Variants in DDI2 observed in about 807,000 individuals in gnomAD.
DDI2 encodes DDI proteasomal shuttling factor 2.
Under a neutral mutation model 48.1 loss-of-function variants are expected in DDI2, and 5 were observed. The observed-to-expected ratio is 0.10, with a 90% CI of 0.05 to 0.22. DDI2 has a LOEUF of 0.22. Among genes scored for constraint, DDI2 ranks in the 10% least tolerant of loss-of-function variants. The probability of loss-of-function intolerance (pLI) is 1.00; values close to 1 mark genes in which losing one functional copy is unlikely to be tolerated. For synonymous variants in DDI2, 205 were observed against 183.6 expected (o/e 1.12, Z -0.94); for missense variants, 285 against 506.2 (o/e 0.56, Z 4.19).
At chr1:15,630,177 A>T in intron 2 of DDI2, 148 bp from the exon 3 acceptor site, 1 of 738,712 alleles carries the variant, frequency 1.4e-6, no homozygotes, top group Non-Finnish European at 2.3e-6. Flanking sequence ...CTTTATATTC[A>T]GAGTCATCAT....
rs531753743 is a variant in DDI2 at position 15,662,813 on chromosome 1, G to A, written c.*3023G>A. 1 of 152,306 alleles carries A rather than the reference G, an allele frequency of 6.6e-6. No individual in the cohort carries two copies. The highest frequency in any genetic ancestry group is 2.4e-5 in the African/African-American group (1 of 41,558). The allele number at this position is 152,306 out of a possible 1,614,324, so 9.4% of individuals were successfully genotyped here. On this transcript the variant is annotated 3_prime_UTR_variant, in exon 10 of 10. Coordinates refer to ENST00000480945, the MANE Select transcript of DDI2 (RefSeq NM_032341.5). ...TTGGAGAGTGTCCTTTGTGGCAGTG[G>A]AAATAGTAATTACAGTTTCTGACTT... is the stretch of plus-strand genomic sequence containing the variant.
At chr1:15,656,345 G>T in intron 8 of DDI2, 2 of 1,223,802 alleles carry the variant, frequency 1.6e-6, no homozygotes, top group Non-Finnish European at 2.1e-6. Flanking sequence ...TCTCACATTT[G>T]CCCGTGAATT....
At chr1:15,631,892 G>A (rs1249267674) in intron 3 of DDI2, among the ~76,000 whole-genome samples, 2 of 151,416 alleles carry the variant, frequency 1.3e-5, no homozygotes, top group African/African-American at 4.9e-5. Flanking sequence ...TGCAACCTTC[G>A]CCTCCTGGGT....
Position 15,661,295 on chromosome 1 carries a change from C to T in DDI2, c.*1505C>T. 2 of 1,614,050 alleles carry T rather than the reference C, an allele frequency of 1.2e-6. No homozygotes were observed. The highest frequency in any genetic ancestry group is 1.1e-5 in the South Asian group (1 of 91,052). On this transcript the variant is annotated 3_prime_UTR_variant, in exon 10 of 10. Coordinates refer to ENST00000480945, the MANE Select transcript of DDI2 (RefSeq NM_032341.5). ...AATAAGAACCGTTCTGTCACTGTAA[C>T]CTCAGCTAAAACATCCAATCAGTTA...
intron 1 of DDI2, among the ~76,000 whole-genome samples, chr1:15,618,048 C>T (rs1389894658): frequency 6.6e-6 from 1 of 152,200 alleles, no homozygotes; most frequent in Admixed American, 6.5e-5. Flanking sequence ...CGCAGACGCA[C>T]CCACTGCAGC....
At chr1:15,639,097 T>C (rs1021271571) in intron 5 of DDI2, among the ~76,000 whole-genome samples, 4 of 151,790 alleles carry the variant, frequency 2.6e-5, no homozygotes, top group African/African-American at 9.7e-5. Flanking sequence ...TTGGGAGGAG[T>C]GTAAGGCTAT....
intron 6 of DDI2, among the ~76,000 whole-genome samples, chr1:15,649,440 G>A (rs913639522): frequency 6.6e-6 from 1 of 152,076 alleles, no homozygotes; most frequent in African/African-American, 2.4e-5. Context: ...GGAGGCCAAG[G>A]TGGGCAGATA....
At chr1:15,621,305 CAAATG>C (rs1220219172) in intron 1 of DDI2, among the ~76,000 whole-genome samples, 3 of 152,114 alleles carry the variant, frequency 2.0e-5, no homozygotes, top group African/African-American at 4.8e-5. Context: ...CAAGGACCCT[CAAATG>C]AAAGGCAAAT....
At chr1:15,655,106 A>G (rs1484952614) in intron 8 of DDI2, among the ~76,000 whole-genome samples, 1 of 152,168 alleles carries the variant, frequency 6.6e-6, no homozygotes, top group African/African-American at 2.4e-5. Context: ...ATATGTTTCC[A>G]GGCTTAGTGA....
In DDI2 at chr1:15,652,046, T is replaced by C. The variant is rs564048119; in HGVS notation, c.1183+151T>C. ...TCATTATTTGTCTTCTTAACCTCCT[T>C]CTTTGATCTTCCTTTTTTTTTTTTT... On this transcript the variant is annotated intron_variant, in intron 8 of 9. Transcript: ENST00000480945. 3.3e-4 allele frequency: 181 copies of C among 545,858 alleles called. 1 individual carries two copies. Among genetic ancestry groups the C allele is most frequent in the Non-Finnish European group, 4.3e-4 (155 of 360,452 alleles). 33.8% of individuals were successfully genotyped at this position (545,858 alleles called of 1,614,324 possible).
At chr1:15,625,024 A>G (rs1407087181) in intron 1 of DDI2, among the ~76,000 whole-genome samples, 3 of 152,198 alleles carry the variant, frequency 2.0e-5, no homozygotes, top group Non-Finnish European at 4.4e-5. Context: ...TGATTTTGGT[A>G]GGAACTCATT....
Position 15,630,429 on chromosome 1 carries a change from A to G in DDI2, c.373A>G (p.Ile125Val). 1 of 1,614,242 alleles carries G rather than the reference A, an allele frequency of 6.2e-7. No homozygotes were observed. The highest frequency in any genetic ancestry group is 1.3e-5 in the African/African-American group (1 of 75,078). ...GCAGTCCCACTCATCTCCTGGAGAA[A>G]TAACTTCATCTCCTCAGGGCTTGGA... ...TQQSHSSPGE[I>V]TSSPQGLDNP... Residue 125 changes from isoleucine to valine, a missense_variant, in exon 3 of 10, where the codon ATA becomes GTA. By Grantham distance (29) the Ile-to-Val change is conservative. Transcript: ENST00000480945.
At chr1:15,643,015 T>C (rs1033877926) in intron 5 of DDI2, among the ~76,000 whole-genome samples, 2 of 151,920 alleles carry the variant, frequency 1.3e-5, no homozygotes, top group Non-Finnish European at 2.9e-5. Context: ...TGTAGTGAGC[T>C]GAGACTGCGC....
chr1:15,638,496 A>G, intron 5 of DDI2, 62 bp downstream of exon 5: 1 of 1,462,050 alleles, frequency 6.8e-7, no homozygotes, highest in East Asian at 2.5e-5. Context: ...ACACGGGAGA[A>G]GGGGAGGCTC....
rs777780375 is a variant in DDI2 at position 15,660,753 on chromosome 1, CCCTT to C, written c.*965_*968del. On this transcript the variant is annotated 3_prime_UTR_variant, in exon 10 of 10. Transcript: ENST00000480945. The stretch of plus-strand genomic sequence containing the variant: ...TGGAAGTAGAAACATCAAAATGTAA[CCCTT>C]CATCTGAAATTTTGAATGATTCCAT... The C allele has an allele frequency of 4.5e-5, 72 of 1,613,616 alleles. No homozygotes were observed. In the South Asian group the frequency reaches 7.9e-4, roughly 18 times the overall value.
intron 1 of DDI2, among the ~76,000 whole-genome samples, chr1:15,621,806 C>G (rs527587352): frequency 6.6e-6 from 1 of 152,312 alleles, no homozygotes; most frequent in South Asian, 2.1e-4. Flanking sequence ...AAGTAACATG[C>G]CATGAACATC....
chr1:15,654,245 C>T (rs936998100), intron 8 of DDI2, among the ~76,000 whole-genome samples: 12 of 152,190 alleles, frequency 7.9e-5, no homozygotes, highest in Non-Finnish European at 1.8e-4. Context: ...TACTGGAGAA[C>T]ATTCAGATGT....
Position 15,643,933 on chromosome 1 carries a change from T to G in DDI2, c.889+283T>G, listed in dbSNP as rs572776766. ...TTCCGTCATTTTAGCTGATTTATTT[T>G]TATACTTACCTCCATATTTCTAAAT... On this transcript the variant is annotated intron_variant, in intron 6 of 9. Transcript: ENST00000480945. 6.2e-4 allele frequency among the ~76,000 whole-genome samples: 95 copies of G among 152,358 alleles called. 1 individual carries two copies. The highest frequency in any genetic ancestry group is 2.2e-3 in the African/African-American group (92 of 41,586).
intron 9 of DDI2, 107 bp from the exon 10 acceptor site, chr1:15,659,730 G>A (rs1028667932): frequency 5.1e-6 from 6 of 1,186,646 alleles, no homozygotes; most frequent in Non-Finnish European, 6.8e-6. Flanking sequence ...ACCCGAGTTT[G>A]AGGACCTTAT....
Sources: gnomAD v4.1 joint callset for allele counts (sites outside exome capture counted in the v4.1 genomes callset) on GRCh38, gnomAD v4.1.1 for gene constraint, MANE v1.5 for transcripts, NCBI Gene and HGNC (gene_info 2026-07-23, HGNC 2026-07-21) for gene names.